SORCS3: variants seen among roughly 807,000 people sequenced by gnomAD.
SORCS3 encodes VPS10 domain-containing receptor SorCS3.
A neutral mutation model predicts 146.3 loss-of-function variants in SORCS3; 57 were observed. The ratio of observed to expected loss-of-function variants is 0.39; its 90% confidence interval spans 0.31 to 0.49. The LOEUF (loss-of-function observed/expected upper bound fraction) is 0.49. Among genes scored for constraint, SORCS3 ranks in the 20% least tolerant of loss-of-function variants. The pLI is 0.92. For missense variants in SORCS3, 1,341 were observed against 1,575.5 expected, an observed-to-expected ratio of 0.85 and a Z score of 2.52; for synonymous variants, 653 against 618.5, an observed-to-expected ratio of 1.06 and a Z score of -0.83.
chr10:105,031,103 T>A (rs1265010764), intron 4 of SORCS3, among the ~76,000 whole-genome samples: 12 of 151,694 alleles, frequency 7.9e-5, no homozygotes, highest in Non-Finnish European at 1.5e-4. Flanking sequence ...GAGACCAGCC[T>A]GGCCAACATG....
At chr10:104,796,288 G>C (rs986065284) in intron 1 of SORCS3, among the ~76,000 whole-genome samples, 5 of 152,214 alleles carry the variant, frequency 3.3e-5, no homozygotes, top group Non-Finnish European at 7.3e-5. Context: ...TGTTCATCTA[G>C]AACATGGATA....
intron 1 of SORCS3, among the ~76,000 whole-genome samples, chr10:104,650,278 G>C (rs1410278717): frequency 6.6e-6 from 1 of 152,216 alleles, no homozygotes; most frequent in Non-Finnish European, 1.5e-5. Flanking sequence ...ACTAGAGGGA[G>C]TGTTGCCCTG....
intron 7 of SORCS3, among the ~76,000 whole-genome samples, chr10:105,113,749 G>A (rs1296926677): frequency 2.0e-5 from 3 of 152,176 alleles, no homozygotes; most frequent in Non-Finnish European, 4.4e-5. Context: ...TATACAGAAA[G>A]CTGTGAAATT....
intron 13 of SORCS3, among the ~76,000 whole-genome samples, chr10:105,177,772 G>A (rs939656784): frequency 6.6e-6 from 1 of 152,100 alleles, no homozygotes; most frequent in Non-Finnish European, 1.5e-5. Context: ...GTTCCATTCT[G>A]AGTACTTGAA....
chr10:105,209,812 G>C (rs1237660207), intron 16 of SORCS3, among the ~76,000 whole-genome samples: 2 of 152,138 alleles, frequency 1.3e-5, no homozygotes, highest in East Asian at 3.9e-4. Flanking sequence ...TAGGTAAGAA[G>C]GTGGGGTGGG....
intron 1 of SORCS3, among the ~76,000 whole-genome samples, chr10:104,741,693 A>T (rs1468133888): frequency 0.02 from 188 of 9,572 alleles, no homozygotes; most frequent in African/African-American, 0.024. Context: ...TTTCCTTTCC[A>T]TTCTGGGTTT....
In SORCS3 at chr10:104,782,462, TG is replaced by T. The variant is rs558346350; in HGVS notation, c.628-60329del. ...GGAACCTGGGAGGATGACACAGTAC[TG>T]CTAGCAAGATGTGCAATAAGATTGC... On this transcript the variant is annotated intron_variant, in intron 1 of 26. Transcript: ENST00000369701. Among the ~76,000 whole-genome samples the T allele has an allele frequency of 2.4e-3, 368 of 152,322 alleles. 2 individuals carry two copies. The highest frequency in any genetic ancestry group is 8.5e-3 in the African/African-American group (353 of 41,570).
chr10:104,928,876 C>T (rs1219244516), intron 3 of SORCS3, among the ~76,000 whole-genome samples: 1 of 152,176 alleles, frequency 6.6e-6, no homozygotes, highest in Non-Finnish European at 1.5e-5. Context: ...AGACAGTCAG[C>T]CCTGTCATCC....
chr10:104,796,866 C>T (rs2017562581), intron 1 of SORCS3, among the ~76,000 whole-genome samples: 1 of 152,158 alleles, frequency 6.6e-6, no homozygotes, highest in African/African-American at 2.4e-5. Context: ...TAGTTTTTTG[C>T]ACAGACACAC....
chr10:105,167,063 G>A (rs1204007378), intron 12 of SORCS3, among the ~76,000 whole-genome samples, 195 bp from the exon 13 acceptor site: 2 of 152,080 alleles, frequency 1.3e-5, no homozygotes, highest in Non-Finnish European at 2.9e-5. Flanking sequence ...AGTGGCCTAG[G>A]GACAGTTATT....
rs540975636 is a variant in SORCS3 at position 105,230,464 on chromosome 10, G to T, written c.2868+7215G>T. On this transcript the variant is annotated intron_variant, in intron 20 of 26. Transcript: ENST00000369701. Reference sequence around the variant, plus strand: ...CATATTTTGCTTGTATCTTAGCCTAGGTGGCAGAAGCTTATATTTCACTTG... The same window carrying T: ...CATATTTTGCTTGTATCTTAGCCTATGTGGCAGAAGCTTATATTTCACTTG... 5.9e-5 allele frequency among the ~76,000 whole-genome samples: 9 copies of T among 152,202 alleles called. No homozygotes were observed. The South Asian group carries it at 1.9e-3, about 32-fold the overall frequency.
At position 105,223,153 on chromosome 10, in the gene SORCS3, T is replaced by G. The variant is rs767250694; in HGVS notation, c.2772T>G (p.Val924=). ...VEHVHLRVPF[V]AIRNKEVNIS... is the part of the protein sequence containing the mutation. Reference sequence around the variant, plus strand: ...ATGTTCATCTCCGAGTTCCATTTGTTGCCATAAGAAATAAGGAGGTCAACA... The same window carrying G: ...ATGTTCATCTCCGAGTTCCATTTGTGGCCATAAGAAATAAGGAGGTCAACA... The change falls in exon 20 of 27, where the codon GTT becomes GTG. Residue 924 remains valine (V), a synonymous_variant. Coordinates refer to ENST00000369701, the MANE Select transcript of SORCS3 (RefSeq NM_014978.3). The G allele has an allele frequency of 6.2e-7, 1 of 1,612,346 alleles. No individual in the cohort carries two copies. Among genetic ancestry groups the G allele is most frequent in the Non-Finnish European group, 8.5e-7 (1 of 1,178,668 alleles).
chr10:105,150,958 A>G (rs1405500500), intron 9 of SORCS3, among the ~76,000 whole-genome samples: 1 of 152,194 alleles, frequency 6.6e-6, no homozygotes, highest in Non-Finnish European at 1.5e-5. Flanking sequence ...TGCAACTGAG[A>G]AAAACAGTAA....
At chr10:104,696,020 C>A (rs1350727672) in intron 1 of SORCS3, among the ~76,000 whole-genome samples, 25 of 132,782 alleles carry the variant, frequency 1.9e-4, no homozygotes, top group African/African-American at 7.2e-4. Context: ...TAATATATAT[C>A]ATATACACAT....
chr10:105,016,604 A>G (rs960784856), intron 4 of SORCS3, among the ~76,000 whole-genome samples: 2 of 152,218 alleles, frequency 1.3e-5, no homozygotes, highest in African/African-American at 4.8e-5. Context: ...TGTCAATTTT[A>G]TAACGGTATC....
intron 3 of SORCS3, among the ~76,000 whole-genome samples, chr10:104,972,120 C>G (rs901250303): frequency 6.6e-6 from 1 of 152,104 alleles, no homozygotes; most frequent in Non-Finnish European, 1.5e-5. Context: ...AGGCAGATCA[C>G]TTGAGGCCAG....
chr10:105,016,156 T>TATATATATATA (rs1554868994), intron 4 of SORCS3, among the ~76,000 whole-genome samples: 15 of 74,860 alleles, frequency 2.0e-4, no homozygotes, highest in African/African-American at 3.3e-4. Context: ...TATATATATA[T>TATATATATATA]TTTTTTTTTT....
chr10:104,988,647 T>C (rs1482137385), intron 4 of SORCS3, among the ~76,000 whole-genome samples: 1 of 152,238 alleles, frequency 6.6e-6, no homozygotes, highest in Admixed American at 6.5e-5. Context: ...AGGAAGCTTT[T>C]GGAGACAACA....
chr10:105,205,725 C>G (rs936384304), intron 16 of SORCS3, among the ~76,000 whole-genome samples: 1 of 152,112 alleles, frequency 6.6e-6, no homozygotes, highest in Admixed American at 6.6e-5. Context: ...ACTTCTCACT[C>G]GACAAAAACT....
Sources: allele counts gnomAD v4.1 joint callset (sites outside exome capture counted in the v4.1 genomes callset), GRCh38; gene constraint gnomAD v4.1.1; transcripts MANE v1.5; gene names NCBI Gene and HGNC (gene_info 2026-07-23, HGNC 2026-07-21).